TRPM1: variants seen among roughly 807,000 people sequenced by gnomAD.
TRPM1 encodes TRPM1-203 APA Isoform, Intron 10.
Under a neutral mutation model 149.4 loss-of-function variants are expected in TRPM1, and 113 were observed. The observed-to-expected ratio is 0.76, with a 90% CI of 0.65 to 0.88. The LOEUF (loss-of-function observed/expected upper bound fraction) is 0.88, where lower values mean the gene tolerates loss of function less well. Among genes scored for constraint, TRPM1 ranks in the 40% least tolerant of loss-of-function variants. The pLI is 0.00. For missense variants in TRPM1, 1,976 were observed against 2,038.7 expected, an observed-to-expected ratio of 0.97 and a Z score of 0.59; for synonymous variants, 741 against 759.5, an observed-to-expected ratio of 0.98 and a Z score of 0.40.
chr15:31,089,839 C>A lies in TRPM1; in HGVS notation c.-83-8401G>T, dbSNP rs551323596. ...ACACCGCGGAAGGCACTTCTGCCTG[C>A]CCTTGTGAGTAAGGGGATAACTGTG... On this transcript the variant is annotated intron_variant, in intron 1 of 27. Coordinates refer to ENST00000256552, the MANE Select transcript of TRPM1 (RefSeq NM_001252024.2). 8.3e-4 allele frequency among the ~76,000 whole-genome samples: 127 copies of A among 152,282 alleles called. 2 individuals are homozygous for A. The highest frequency in any genetic ancestry group is 6.6e-3 in the South Asian group (32 of 4,824).
chr15:31,069,956 C>T lies in TRPM1; in HGVS notation c.279+75G>A, dbSNP rs773821257. 1.2e-5 allele frequency: 19 copies of T among 1,613,390 alleles called. No individual in the cohort carries two copies. In the East Asian group the frequency reaches 4.2e-4, roughly 36 times the overall value. On this transcript the variant is annotated intron_variant, in intron 4 of 27. Coordinates refer to ENST00000256552, the MANE Select transcript of TRPM1 (RefSeq NM_001252024.2). Reference sequence around the variant, plus strand: ...AGCCATGAAGAAGACCAGGTATCTGCAGTTTGGGGCTGGGAGACTGGCCGC... The same window carrying T: ...AGCCATGAAGAAGACCAGGTATCTGTAGTTTGGGGCTGGGAGACTGGCCGC...
exon 1 of TRPM1, chr15:31,161,025 G>T (rs954492379): frequency 1.3e-5 from 19 of 1,483,830 alleles, no homozygotes; most frequent in Non-Finnish European, 1.4e-5. Flanking sequence ...TGGCACAGGG[G>T]CTGCCCTCCC....
chr15:31,002,554 AATCCCAATATCTG>A lies in TRPM1; in HGVS notation c.4133_4145del (p.Pro1378LeufsTer22). 6.2e-7 allele frequency: 1 copy of A among 1,614,084 alleles called. No homozygotes were observed. The highest frequency in any genetic ancestry group is 8.5e-7 in the Non-Finnish European group (1 of 1,180,008). ...TCTGTCTTTCATCATCTTCCTTTGA[AATCCCAATATCTG>A]GACCTAATTTTGACTCTTCAGCGTT... On this transcript the variant is annotated frameshift_variant, in exon 28 of 28. Transcript: ENST00000256552. LOFTEE classifies it low-confidence loss of function (END_TRUNC).
At chr15:31,125,965 T>C (rs1020890674) in intron 1 of TRPM1, among the ~76,000 whole-genome samples, 2 of 151,126 alleles carry the variant, frequency 1.3e-5, no homozygotes, top group African/African-American at 4.9e-5. Context: ...ACCCTATCTC[T>C]ACTAAAAATA....
chr15:31,130,606 T>C (rs2036004229), intron 1 of TRPM1, among the ~76,000 whole-genome samples: 1 of 152,208 alleles, frequency 6.6e-6, no homozygotes, highest in African/African-American at 2.4e-5. Context: ...ACCACTGTTG[T>C]AAAACCTAAG....
At chr15:31,089,024 C>T (rs2035126018) in intron 1 of TRPM1, among the ~76,000 whole-genome samples, 1 of 151,840 alleles carries the variant, frequency 6.6e-6, no homozygotes, top group Non-Finnish European at 1.5e-5. Context: ...AAGTGAGGCA[C>T]TCAAATGGGG....
At position 31,152,223 on chromosome 15, in the gene TRPM1, TG is replaced by T; in HGVS notation, c.54+8682del. On this transcript the variant is annotated intron_variant, in intron 1 of 26. Transcript: ENST00000542188. ...GCAGAACTCTGCTCAGGCATGGGCA[TG>T]GATTAGTGCCTGGGTCTGAAGTGCC... 1.3e-5 allele frequency among the ~76,000 whole-genome samples: 2 copies of T among 152,218 alleles called. 1 individual carries two copies. The highest frequency in any genetic ancestry group is 4.1e-4 in the South Asian group (2 of 4,824).
At chr15:31,015,535 C>G (rs1158561219) in intron 27 of TRPM1, among the ~76,000 whole-genome samples, 1 of 152,090 alleles carries the variant, frequency 6.6e-6, no homozygotes, top group Non-Finnish European at 1.5e-5. Context: ...AATGTCTTCT[C>G]ACTCCAAAAA....
At position 31,051,696 on chromosome 15, in the gene TRPM1, C is replaced by T. The variant is rs1008685008; in HGVS notation, c.1264-1114G>A. On this transcript the variant is annotated intron_variant, in intron 11 of 27. Coordinates refer to ENST00000256552, the MANE Select transcript of TRPM1 (RefSeq NM_001252024.2). ...TCTCTTCCTTGACGACCTCATTGAC[C>T]CCCACACCACCAGTCACCACTGATT... Among the ~76,000 whole-genome samples, 6 of 152,182 alleles carry T rather than the reference C, an allele frequency of 3.9e-5. No individual in the cohort carries two copies. The South Asian group carries it at 8.3e-4, about 21-fold the overall frequency.
chr15:31,150,579 G>C (rs2036287415), intron 1 of TRPM1, among the ~76,000 whole-genome samples: 1 of 151,938 alleles, frequency 6.6e-6, no homozygotes, highest in Non-Finnish European at 1.5e-5. Flanking sequence ...TGGGATTATA[G>C]GCATGCGCAC....
At chr15:31,009,776 A>G (rs1436258538) in intron 27 of TRPM1, among the ~76,000 whole-genome samples, 1 of 152,122 alleles carries the variant, frequency 6.6e-6, no homozygotes, top group Non-Finnish European at 1.5e-5. Context: ...CTGTTGTAAT[A>G]TCTTCAAGTT....
At chr15:31,046,877 A>AGTC (rs2033779322) in intron 15 of TRPM1, among the ~76,000 whole-genome samples, 1 of 152,184 alleles carries the variant, frequency 6.6e-6, no homozygotes, top group Admixed American at 6.5e-5. Flanking sequence ...CCCAGGAGGA[A>AGTC]GTCTGCTGTG....
chr15:31,120,113 TTTTTTTC>T (rs1184850835), intron 1 of TRPM1, among the ~76,000 whole-genome samples: 2 of 152,242 alleles, frequency 1.3e-5, no homozygotes, highest in Middle Eastern at 6.8e-3. Context: ...TTATTTTACA[TTTTTTTC>T]TTTTTTCTTT....
At chr15:31,028,575 T>A in intron 24 of TRPM1, 99 bp from the exon 25 acceptor site, 2 of 1,358,080 alleles carry the variant, frequency 1.5e-6, no homozygotes, top group Non-Finnish European at 1.0e-6. Flanking sequence ...TTTTTTAATA[T>A]GATTCTTTCT....
chr15:31,130,481 C>T (rs550951881), intron 1 of TRPM1, among the ~76,000 whole-genome samples: 2 of 152,162 alleles, frequency 1.3e-5, no homozygotes, highest in Non-Finnish European at 2.9e-5. Context: ...CCCTAGGGAC[C>T]AATCTGCCTT....
At chr15:31,034,098 T>C (rs539657487) in intron 21 of TRPM1, among the ~76,000 whole-genome samples, 1 of 152,344 alleles carries the variant, frequency 6.6e-6, no homozygotes, top group Non-Finnish European at 1.5e-5. Context: ...TGTGGGCTTT[T>C]TCAGCTCAAG....
intron 1 of TRPM1, among the ~76,000 whole-genome samples, chr15:31,098,602 G>T (rs1289272504): frequency 6.6e-6 from 1 of 152,106 alleles, no homozygotes; most frequent in Non-Finnish European, 1.5e-5. Context: ...ACAAAAAAGG[G>T]CACTGTGGCC....
At chr15:31,046,182 G>A in intron 16 of TRPM1, 22 bp downstream of exon 16, 1 of 1,611,298 alleles carries the variant, frequency 6.2e-7, no homozygotes, top group Middle Eastern at 1.7e-4. Flanking sequence ...TTATAAAACT[G>A]TTGAAAACAA....
intron 11 of TRPM1, among the ~76,000 whole-genome samples, chr15:31,059,627 G>C (rs140846450): frequency 3.2e-4 from 48 of 152,124 alleles, no homozygotes; most frequent in African/African-American, 1.2e-3. Context: ...GGTTGGTCTT[G>C]AACTCCTGGC....
Sources: gnomAD v4.1 joint callset for allele counts (sites outside exome capture counted in the v4.1 genomes callset) on GRCh38, gnomAD v4.1.1 for gene constraint, MANE v1.5 for transcripts, NCBI Gene and HGNC (gene_info 2026-07-23, HGNC 2026-07-21) for gene names.